The following RAD51B variants were observed in gnomAD, a reference collection of about 807,000 sequenced individuals.
RAD51B encodes the protein DNA repair protein RAD51 homolog 2.
In RAD51B, 38 loss-of-function variants were observed where a neutral mutation model predicts 42.2. That is an observed-to-expected ratio of 0.90 (90% CI 0.70 to 1.18). The LOEUF (loss-of-function observed/expected upper bound fraction) is 1.18, where lower values mean the gene tolerates loss of function less well. Ranked by LOEUF, RAD51B falls within the 50% of genes most tolerant of loss-of-function variation. The pLI is 0.00. For missense variants in RAD51B, 373 were observed against 400.7 expected, an observed-to-expected ratio of 0.93 and a Z score of 0.59; for synonymous variants, 154 against 145.2, an observed-to-expected ratio of 1.06 and a Z score of -0.43.
At chr14:68,396,433 T>C (rs1164867578) in intron 8 of RAD51B, among the ~76,000 whole-genome samples, 1 of 152,216 alleles carries the variant, frequency 6.6e-6, no homozygotes, top group African/African-American at 2.4e-5. Flanking sequence ...AAATAAATAA[T>C]GTAATTATCA....
intron 7 of RAD51B, among the ~76,000 whole-genome samples, chr14:68,233,856 G>T (rs1303210922): frequency 1.3e-5 from 2 of 152,196 alleles, no homozygotes; most frequent in Admixed American, 6.5e-5. Flanking sequence ...AGTAGAAAAT[G>T]AGCCGAAATA....
intron 10 of RAD51B, chr14:68,627,309 A>T (rs547170763): frequency 1.3e-5 from 2 of 152,354 alleles, no homozygotes; most frequent in East Asian, 1.9e-4. Context: ...ATGATGTCAC[A>T]TAAAAATCCC....
chr14:68,430,895 A>G (rs1428373899), intron 9 of RAD51B, among the ~76,000 whole-genome samples: 4 of 151,810 alleles, frequency 2.6e-5, no homozygotes, highest in Non-Finnish European at 5.9e-5. Context: ...GTTTGTCATA[A>G]ATAGCTCTTA....
intron 7 of RAD51B, among the ~76,000 whole-genome samples, chr14:68,103,208 A>G (rs115963977): frequency 1.7e-3 from 258 of 152,338 alleles, no homozygotes; most frequent in African/African-American, 6.0e-3. Flanking sequence ...TTAGAGCTCA[A>G]TATTGCATAA....
chr14:68,573,386 G>A (rs1051704321), intron 10 of RAD51B, among the ~76,000 whole-genome samples: 1 of 152,114 alleles, frequency 6.6e-6, no homozygotes, highest in Non-Finnish European at 1.5e-5. Context: ...CCCTGTACTT[G>A]CTATTCCTTC....
chr14:68,623,065 A>G (rs1891991110), intron 10 of RAD51B, among the ~76,000 whole-genome samples: 1 of 152,214 alleles, frequency 6.6e-6, no homozygotes, highest in South Asian at 2.1e-4. Context: ...CAAGGGGAGA[A>G]TAGCACCACG....
At chr14:68,468,309 G>C (rs376268234) in intron 10 of RAD51B, 59 bp downstream of exon 10, 1 of 1,477,096 alleles carries the variant, frequency 6.8e-7, no homozygotes, top group African/African-American at 1.4e-5. Context: ...CCCATTGCTA[G>C]TGGTAATTAG....
In RAD51B at chr14:67,887,125, G is replaced by T; in HGVS notation, c.677G>T (p.Gly226Val). 6.2e-7 allele frequency: 1 copy of T among 1,610,642 alleles called. No individual in the cohort carries two copies. The highest frequency in any genetic ancestry group is 8.5e-7 in the Non-Finnish European group (1 of 1,177,508). Residue 226 changes from glycine to valine, a missense_variant, in exon 7 of 11, where the codon GGC (glycine) becomes GTC (valine). Gly to Val is a moderately radical substitution (Grantham distance 109). Coordinates refer to ENST00000471583, the MANE Select transcript of RAD51B (RefSeq NM_133510.4). ...VRKEFDAQLQ[G>V]NLKERNKFLA... ...AAGGAGTTTGATGCACAACTTCAAG[G>T]CAATCTCAAAGAAAGAAACAAGTTC... is the stretch of plus-strand genomic sequence containing the variant.
At chr14:68,610,669 G>C (rs17106011) in intron 10 of RAD51B, among the ~76,000 whole-genome samples, 1 of 151,976 alleles carries the variant, frequency 6.6e-6, no homozygotes, top group Non-Finnish European at 1.5e-5. Flanking sequence ...CTTTTTGTTC[G>C]CCTGTTTTAT....
chr14:68,442,493 A>T (rs1180710724), intron 9 of RAD51B, among the ~76,000 whole-genome samples: 2 of 122,122 alleles, frequency 1.6e-5, no homozygotes, highest in African/African-American at 6.5e-5. Context: ...TAGGCTGGAG[A>T]GCAGTGGCGC....
chr14:68,417,771 CACAA>C (rs1406406540), intron 9 of RAD51B, among the ~76,000 whole-genome samples: 1 of 152,180 alleles, frequency 6.6e-6, no homozygotes, highest in Non-Finnish European at 1.5e-5. Context: ...TCCTACCACC[CACAA>C]ACAAACAAGC....
At chr14:67,925,723 A>C (rs1324463327) in intron 7 of RAD51B, among the ~76,000 whole-genome samples, 1 of 152,150 alleles carries the variant, frequency 6.6e-6, no homozygotes, top group African/African-American at 2.4e-5. Context: ...CCCTGCATCA[A>C]ACTTCTGCCT....
rs117357406 is a variant in RAD51B at position 68,079,257 on chromosome 14, T to C, written c.756+192053T>C. On this transcript the variant is annotated intron_variant, in intron 7 of 10. Transcript: ENST00000471583. ...TCAGGAAAGGAGCATTTAAGTCATA[T>C]GTTCAATCAAAACTTCTGCAGGTAA... Among the ~76,000 whole-genome samples the C allele has an allele frequency of 4.7e-3, 710 of 152,342 alleles. 4 individuals carry two copies. The highest frequency in any genetic ancestry group is 7.7e-3 in the Non-Finnish European group (524 of 68,026).
chr14:68,546,460 GAT>G (rs747031042), intron 10 of RAD51B, among the ~76,000 whole-genome samples: 1 of 152,204 alleles, frequency 6.6e-6, no homozygotes, highest in Non-Finnish European at 1.5e-5. Flanking sequence ...AGGGAGCATA[GAT>G]AGTGAGATCA....
chr14:68,527,644 CT>C (rs1887020026), intron 10 of RAD51B, among the ~76,000 whole-genome samples: 1 of 152,248 alleles, frequency 6.6e-6, no homozygotes, highest in African/African-American at 2.4e-5. Context: ...GGAAAACTTC[CT>C]TGTGCCTGTT....
intron 8 of RAD51B, among the ~76,000 whole-genome samples, chr14:68,334,397 G>A (rs1045185190): frequency 3.3e-5 from 5 of 152,216 alleles, no homozygotes; most frequent in African/African-American, 1.2e-4. Context: ...TTAAATGAAA[G>A]TGGATCTTTG....
At chr14:68,502,391 T>TC (rs1594919284) in intron 10 of RAD51B, among the ~76,000 whole-genome samples, 1 of 151,942 alleles carries the variant, frequency 6.6e-6, no homozygotes, top group Non-Finnish European at 1.5e-5. Context: ...CAGTTCCGAC[T>TC]CCCCCCACGG....
At chr14:68,600,503 G>T, downstream of RAD51B, among the ~76,000 whole-genome samples, 1 of 152,236 alleles carries the variant, frequency 6.6e-6, no homozygotes. Context: ...CACAGGGCTC[G>T]GCATTGGCAG....
chr14:68,054,383 T>C (rs918996165), intron 7 of RAD51B, among the ~76,000 whole-genome samples: 10 of 152,200 alleles, frequency 6.6e-5, no homozygotes, highest in Admixed American at 5.9e-4. Flanking sequence ...AGATTCAGGT[T>C]ATGAATTTGG....
Sources: gnomAD v4.1 joint callset for allele counts (sites outside exome capture counted in the v4.1 genomes callset) on GRCh38, gnomAD v4.1.1 for gene constraint, MANE v1.5 for transcripts, NCBI Gene and HGNC (gene_info 2026-07-23, HGNC 2026-07-21) for gene names.